The following CCBE1 variants were observed in gnomAD, a reference collection of about 807,000 sequenced individuals.
CCBE1 encodes the protein collagen and calcium-binding EGF domain-containing protein 1.
Under a neutral mutation model 50.0 loss-of-function variants are expected in CCBE1, and 37 were observed. That is an observed-to-expected ratio of 0.74 (90% CI 0.57 to 0.97). The LOEUF is 0.97. Ranked by LOEUF, CCBE1 falls within the 50% of genes least tolerant of loss-of-function variation. CCBE1 has a pLI of 0.00. For synonymous variants in CCBE1, 234 were observed against 203.7 expected (o/e 1.15, Z -1.27); for missense variants, 538 against 523.8 (o/e 1.03, Z -0.26).
chr18:59,691,470 A>G (rs1482439246), intron 2 of CCBE1, among the ~76,000 whole-genome samples: 1 of 152,122 alleles, frequency 6.6e-6, no homozygotes, highest in Non-Finnish European at 1.5e-5. Context: ...CAGTGGCGTG[A>G]TCTTGGCTCA....
chr18:59,448,205 T>G, intron 6 of CCBE1, 102 bp from the exon 7 acceptor site: 1 of 1,518,666 alleles, frequency 6.6e-7, no homozygotes, highest in Non-Finnish European at 9.0e-7. Flanking sequence ...ATGAGACATA[T>G]GTATATACTT....
rs1005560674 is a variant in CCBE1, at chr18:59,489,286, A to G, written c.213-9048T>C. Among the ~76,000 whole-genome samples, 3 of 152,374 alleles carry G rather than the reference A, an allele frequency of 2.0e-5. No individual in the cohort carries two copies. In the South Asian group the frequency reaches 6.2e-4, roughly 32 times the overall value. On this transcript the variant is annotated intron_variant, in intron 2 of 10. Coordinates refer to ENST00000439986, the MANE Select transcript of CCBE1 (RefSeq NM_133459.4). ...TGACAGTCCTCTCTATCTCCCTGGC[A>G]TATCAGTGTGCTTCAGACCCACAGG... is the stretch of plus-strand genomic sequence containing the variant.
At chr18:59,657,803 ATCGC>A (rs1283343566) in intron 2 of CCBE1, among the ~76,000 whole-genome samples, 6 of 152,160 alleles carry the variant, frequency 3.9e-5, no homozygotes, top group Admixed American at 1.3e-4. Context: ...GGCAGGAGAA[ATCGC>A]TCGAACCCGG....
At chr18:59,541,740 A>T (rs1915473266) in intron 2 of CCBE1, among the ~76,000 whole-genome samples, 1 of 152,178 alleles carries the variant, frequency 6.6e-6, no homozygotes, top group Admixed American at 6.5e-5. Flanking sequence ...GAAAAGGAAG[A>T]CACAAGATAA....
chr18:59,461,572 G>A (rs1189055251), intron 5 of CCBE1, among the ~76,000 whole-genome samples: 1 of 152,062 alleles, frequency 6.6e-6, no homozygotes, highest in Non-Finnish European at 1.5e-5. Flanking sequence ...AAATTCAGTG[G>A]AGACAAATTA....
At chr18:59,560,024 T>C (rs918157992) in intron 2 of CCBE1, among the ~76,000 whole-genome samples, 1 of 152,178 alleles carries the variant, frequency 6.6e-6, no homozygotes, top group African/African-American at 2.4e-5. Context: ...CCATATGTCA[T>C]GGTCTTACTG....
intron 2 of CCBE1, among the ~76,000 whole-genome samples, chr18:59,503,254 G>A (rs1445410841): frequency 2.0e-5 from 3 of 152,226 alleles, no homozygotes; most frequent in Admixed American, 6.5e-5. Context: ...GGACAGTTCC[G>A]CTGGACATCA....
At chr18:59,463,654 G>T (rs1911598193) in intron 5 of CCBE1, among the ~76,000 whole-genome samples, 2 of 152,148 alleles carry the variant, frequency 1.3e-5, no homozygotes, top group Admixed American at 1.3e-4. Flanking sequence ...CTCCCTCACA[G>T]GCAGGAACTC....
At chr18:59,436,401 A>G (rs969571738) in intron 10 of CCBE1, among the ~76,000 whole-genome samples, 7 of 152,216 alleles carry the variant, frequency 4.6e-5, no homozygotes, top group Admixed American at 3.9e-4. Context: ...AGGAAAGGAT[A>G]TAAGAATAAC....
Position 59,433,367 on chromosome 18 carries a change from AAGTTTGCTTTC to A in CCBE1, c.*2530_*2540del, listed in dbSNP as rs1366588254. ...CTCTCGCTCACTTTTTTTAAAGTGA[AAGTTTGCTTTC>A]ACTTTAAAAATGTTAGTGGAGAGTC... is the stretch of plus-strand genomic sequence containing the variant. On this transcript the variant is annotated 3_prime_UTR_variant, in exon 11 of 11. Coordinates refer to ENST00000439986, the MANE Select transcript of CCBE1 (RefSeq NM_133459.4). 6.6e-6 allele frequency: 1 copy of A among 151,830 alleles called. No homozygotes were observed. Among genetic ancestry groups the A allele is most frequent in the Non-Finnish European group, 1.5e-5 (1 of 67,966 alleles). The allele number at this position is 151,830 out of a possible 1,614,324, so 9.4% of individuals were successfully genotyped here.
intron 2 of CCBE1, among the ~76,000 whole-genome samples, chr18:59,656,461 T>C (rs1474545033): frequency 6.6e-6 from 1 of 152,226 alleles, no homozygotes; most frequent in African/African-American, 2.4e-5. Context: ...ACCTGGTAAT[T>C]GCTAGTTTGC....
intron 2 of CCBE1, among the ~76,000 whole-genome samples, chr18:59,695,259 G>A (rs2144759323): frequency 6.6e-6 from 1 of 152,310 alleles, no homozygotes. Context: ...CTGTGGTCGT[G>A]TGGATGAAAG....
In CCBE1 at chr18:59,663,706, C is replaced by T. The variant is rs551560145; in HGVS notation, c.212+32923G>A. Among the ~76,000 whole-genome samples the T allele has an allele frequency of 8.5e-5, 13 of 152,186 alleles. No homozygotes were observed. In the South Asian group the frequency reaches 2.3e-3, roughly 27 times the overall value. ...CAATTCAGAGGCTGAGACCAGAGGG[C>T]ATTATTCAGGGCAAGAGATAAGCTG... On this transcript the variant is annotated intron_variant, in intron 2 of 10. Transcript: ENST00000439986.
intron 2 of CCBE1, among the ~76,000 whole-genome samples, chr18:59,513,066 C>G (rs1914202292): frequency 2.6e-5 from 4 of 152,156 alleles, no homozygotes; most frequent in Non-Finnish European, 5.9e-5. Context: ...GTAATCCCAG[C>G]ACTTTGGGAG....
At chr18:59,649,971 C>G (rs1038466644) in intron 2 of CCBE1, among the ~76,000 whole-genome samples, 1 of 152,136 alleles carries the variant, frequency 6.6e-6, no homozygotes, top group African/African-American at 2.4e-5. Flanking sequence ...GGGTCCCAGA[C>G]AGGCCTTCCC....
At chr18:59,635,214 G>A (rs549827787) in intron 2 of CCBE1, among the ~76,000 whole-genome samples, 6 of 152,320 alleles carry the variant, frequency 3.9e-5, no homozygotes, top group African/African-American at 9.6e-5. Context: ...TCATAGCTTC[G>A]AAGTATTGAT....
intron 2 of CCBE1, among the ~76,000 whole-genome samples, chr18:59,527,214 C>T (rs1568187913): frequency 1.3e-5 from 2 of 152,168 alleles, no homozygotes; most frequent in Admixed American, 1.3e-4. Context: ...TTTAGGATAG[C>T]TTTTCTTGTT....
chr18:59,657,237 G>A (rs1359304696), intron 2 of CCBE1, among the ~76,000 whole-genome samples: 1 of 152,230 alleles, frequency 6.6e-6, no homozygotes, highest in Non-Finnish European at 1.5e-5. Flanking sequence ...ATGTGTGCGA[G>A]GGTAGAGAAG....
chr18:59,457,189 A>G (rs1395696512), intron 5 of CCBE1, among the ~76,000 whole-genome samples: 2 of 152,182 alleles, frequency 1.3e-5, no homozygotes, highest in African/African-American at 4.8e-5. Context: ...CCTGCTTTCT[A>G]GGCGAATTCC....
Sources: gnomAD v4.1 joint callset for allele counts (sites outside exome capture counted in the v4.1 genomes callset) on GRCh38, gnomAD v4.1.1 for gene constraint, MANE v1.5 for transcripts, NCBI Gene and HGNC (gene_info 2026-07-23, HGNC 2026-07-21) for gene names.